The following DDC variants were observed in gnomAD, a reference collection of about 807,000 sequenced individuals.
The protein encoded by DDC is aromatic-L-amino-acid decarboxylase.
Under a neutral mutation model 60.0 loss-of-function variants are expected in DDC, and 43 were observed. The observed-to-expected ratio is 0.72, with a 90% CI of 0.56 to 0.92. DDC has a LOEUF of 0.92. Among genes scored for constraint, DDC ranks in the 40% least tolerant of loss-of-function variants. DDC has a pLI of 0.00. For synonymous variants in DDC, 232 were observed against 234.6 expected (o/e 0.99, Z 0.10); for missense variants, 573 against 620.2 (o/e 0.92, Z 0.81).
At chr7:50,485,388 T>C (rs2042860524) in intron 9 of DDC, among the ~76,000 whole-genome samples, 1 of 152,254 alleles carries the variant, frequency 6.6e-6, no homozygotes. Flanking sequence ...TTATTTTGTC[T>C]ATTTCAGTAT....
chr7:50,533,295 G>A (rs2044278819), intron 4 of DDC, among the ~76,000 whole-genome samples: 2 of 150,036 alleles, frequency 1.3e-5, no homozygotes, highest in Non-Finnish European at 3.0e-5. Flanking sequence ...GTGGAAAGGG[G>A]ACTTTTTTTT....
chr7:50,490,591 A>G (rs1300165606), intron 9 of DDC, among the ~76,000 whole-genome samples: 9 of 152,104 alleles, frequency 5.9e-5, no homozygotes, highest in Admixed American at 2.6e-4. Flanking sequence ...ACTCGCTTGA[A>G]CCTGGGAGGT....
intron 10 of DDC, among the ~76,000 whole-genome samples, chr7:50,478,402 C>T (rs4579483): frequency 0.56 from 84,456 of 152,028 alleles, 23,646 homozygotes; most frequent in Admixed American, 0.62. Context: ...AGATGAGCCA[C>T]GTTTCAAGCA....
At chr7:50,514,572 A>G (rs1275085937) in intron 6 of DDC, among the ~76,000 whole-genome samples, 1 of 152,222 alleles carries the variant, frequency 6.6e-6, no homozygotes, top group Non-Finnish European at 1.5e-5. Flanking sequence ...ATGCAAGAAA[A>G]TCCACAAAAC....
chr7:50,477,706 T>A, intron 10 of DDC: 1 of 336,700 alleles, frequency 3.0e-6, no homozygotes. Flanking sequence ...GTTTTATGAG[T>A]GACCCTGAGA....
chr7:50,462,464 C>G (rs2042299426), intron 14 of DDC, among the ~76,000 whole-genome samples: 1 of 152,154 alleles, frequency 6.6e-6, no homozygotes, highest in Non-Finnish European at 1.5e-5. Context: ...AAACCCCTCA[C>G]AACTGCAAGA....
In DDC at chr7:50,499,213, C is replaced by A; in HGVS notation, c.811G>T (p.Asp271Tyr). 6.2e-7 allele frequency: 1 copy of A among 1,613,594 alleles called. No individual in the cohort carries two copies. The highest frequency in any genetic ancestry group is 2.2e-5 in the East Asian group (1 of 44,884). Reference sequence around the variant, plus strand: ...AATGCACTGCCTGCGTAGGCTGCATCAACGTGCAGCCATATGTCTTCCTTG... The same window carrying A: ...AATGCACTGCCTGCGTAGGCTGCATAAACGTGCAGCCATATGTCTTCCTTG... ...CNKEDIWLHV[D>Y]AAYAGSAFIC... is the part of the protein sequence containing the mutation. Residue 271 changes from aspartate to tyrosine, a missense_variant, in exon 8 of 15, where the codon GAT (aspartate) becomes TAT (tyrosine). By Grantham distance (160) the Asp-to-Tyr change is radical. Transcript: ENST00000444124.
At chr7:50,520,607 A>T (rs558818115) in intron 6 of DDC, among the ~76,000 whole-genome samples, 2 of 152,296 alleles carry the variant, frequency 1.3e-5, no homozygotes, top group Admixed American at 6.5e-5. Flanking sequence ...ATAACCTAGA[A>T]AAAAAGGCAA....
At chr7:50,460,698 T>C (rs960344379) in intron 14 of DDC, among the ~76,000 whole-genome samples, 1 of 151,678 alleles carries the variant, frequency 6.6e-6, no homozygotes, top group African/African-American at 2.4e-5. Context: ...CATTTTGTTC[T>C]GTACTAAGAA....
intron 6 of DDC, among the ~76,000 whole-genome samples, chr7:50,511,331 TA>T (rs2043573497): frequency 6.6e-6 from 1 of 151,906 alleles, no homozygotes; most frequent in African/African-American, 2.4e-5. Context: ...ATATAATATA[TA>T]TAATGACCTG....
At chr7:50,554,997 C>G (rs529227511) in intron 1 of DDC, among the ~76,000 whole-genome samples, 21 of 152,206 alleles carry the variant, frequency 1.4e-4, no homozygotes, top group African/African-American at 4.6e-4. Flanking sequence ...CTTAGGTAAC[C>G]GAGGAAGCTC....
At chr7:50,523,742 T>C (rs1001552091) in intron 6 of DDC, among the ~76,000 whole-genome samples, 4 of 152,242 alleles carry the variant, frequency 2.6e-5, no homozygotes, top group African/African-American at 9.6e-5. Context: ...TACAGTCTCT[T>C]TGAAACACAG....
intron 2 of DDC, among the ~76,000 whole-genome samples, chr7:50,541,710 AG>A (rs1422670018): frequency 1.3e-5 from 2 of 152,222 alleles, no homozygotes; most frequent in Non-Finnish European, 2.9e-5. Flanking sequence ...ATGTTGTTTA[AG>A]CCCCCAGTCT....
intron 2 of DDC, 57 bp downstream of exon 2, chr7:50,543,828 A>G: frequency 6.6e-7 from 1 of 1,514,942 alleles, no homozygotes; most frequent in Non-Finnish European, 9.2e-7. Context: ...CTCAGAGCCA[A>G]GTAGGTGCTA....
At chr7:50,541,070 T>G (rs1335358592) in intron 2 of DDC, among the ~76,000 whole-genome samples, 2 of 152,224 alleles carry the variant, frequency 1.3e-5, no homozygotes, top group African/African-American at 4.8e-5. Context: ...TCAGCCCCTG[T>G]GCATGGAGAA....
At chr7:50,490,939 TTA>T (rs1268577393) in intron 9 of DDC, among the ~76,000 whole-genome samples, 2 of 152,172 alleles carry the variant, frequency 1.3e-5, no homozygotes, top group Non-Finnish European at 2.9e-5. Flanking sequence ...AAGAGAAAAA[TTA>T]TGTTTCAAAA....
intron 6 of DDC, among the ~76,000 whole-genome samples, chr7:50,504,867 C>T (rs574638133): frequency 6.6e-6 from 1 of 152,316 alleles, no homozygotes; most frequent in African/African-American, 2.4e-5. Context: ...TTAAGAGTCA[C>T]ACTAGGATTT....
intron 9 of DDC, among the ~76,000 whole-genome samples, chr7:50,487,987 A>G (rs1433031630): frequency 8.5e-5 from 13 of 152,160 alleles, no homozygotes; most frequent in Admixed American, 8.5e-4. Flanking sequence ...GTTTAATAGC[A>G]AACAGTTAAT....
chr7:50,493,001 T>C, intron 9 of DDC: 2 of 1,597,680 alleles, frequency 1.3e-6, no homozygotes, highest in African/African-American at 1.3e-5. Flanking sequence ...ACTGGTTGTC[T>C]GGACCTGAGG....
Sources: allele counts gnomAD v4.1 joint callset (sites outside exome capture counted in the v4.1 genomes callset), GRCh38; gene constraint gnomAD v4.1.1; transcripts MANE v1.5; gene names NCBI Gene and HGNC (gene_info 2026-07-23, HGNC 2026-07-21).